Variants in CRYL1 observed in about 807,000 individuals in gnomAD.
The protein encoded by CRYL1 is crystallin lambda 1.
Under a neutral mutation model 36.6 loss-of-function variants are expected in CRYL1, and 29 were observed. The ratio of observed to expected loss-of-function variants is 0.79; its 90% CI spans 0.59 to 1.08. The LOEUF (loss-of-function observed/expected upper bound fraction) is 1.08. CRYL1 is among the 50% of genes least tolerant of loss of function. The probability of loss-of-function intolerance (pLI) is 0.00; values close to 1 mark genes in which losing one functional copy is unlikely to be tolerated. For missense variants in CRYL1, 411 were observed against 407.9 expected (o/e 1.01, Z -0.06); for synonymous variants, 152 against 151.5 (o/e 1.00, Z -0.02).
chr13:20,412,286 C>T (rs756096007), intron 6 of CRYL1, among the ~76,000 whole-genome samples: 7 of 152,206 alleles, frequency 4.6e-5, no homozygotes, highest in South Asian at 2.1e-4. Flanking sequence ...GAGAGACATA[C>T]GAGAGACTCT....
chr13:20,406,113 C>A (rs2031367832), intron 6 of CRYL1: 1 of 152,198 alleles, frequency 6.6e-6, no homozygotes, highest in African/African-American at 2.4e-5. Flanking sequence ...AAAGGCTCAG[C>A]AGCTGGTCAG....
chr13:20,447,936 C>T (rs982777933), intron 3 of CRYL1, among the ~76,000 whole-genome samples: 1 of 152,174 alleles, frequency 6.6e-6, no homozygotes, highest in African/African-American at 2.4e-5. Flanking sequence ...CAAAAAATCA[C>T]GAGGTATACA....
At chr13:20,499,174 T>C (rs1565984564) in intron 2 of CRYL1, among the ~76,000 whole-genome samples, 1 of 151,894 alleles carries the variant, frequency 6.6e-6, no homozygotes, top group Non-Finnish European at 1.5e-5. Flanking sequence ...CAAAACCCCA[T>C]CTCTACCCAA....
intron 3 of CRYL1, among the ~76,000 whole-genome samples, chr13:20,468,705 G>A (rs1046947052): frequency 2.6e-5 from 4 of 151,906 alleles, no homozygotes; most frequent in African/African-American, 9.7e-5. Context: ...TCCCGGGTTC[G>A]AGTGATTCTC....
intron 1 of CRYL1, among the ~76,000 whole-genome samples, chr13:20,518,799 G>A (rs2137519826): frequency 6.6e-6 from 1 of 152,260 alleles, no homozygotes; most frequent in South Asian, 2.1e-4. Context: ...AGAAATGAAT[G>A]TGCAGTATTT....
chr13:20,499,982 G>A (rs183560418), intron 2 of CRYL1, among the ~76,000 whole-genome samples: 13 of 152,284 alleles, frequency 8.5e-5, no homozygotes, highest in Non-Finnish European at 1.9e-4. Flanking sequence ...TTTGGGGGGA[G>A]TTCATGAAAA....
At chr13:20,430,138 G>C in intron 5 of CRYL1, 1 of 957,894 alleles carries the variant, frequency 1.0e-6, no homozygotes, top group Non-Finnish European at 1.2e-6. Context: ...GAGAGGACCT[G>C]AAGTTTCTAG....
chr13:20,498,075 A>T (rs1210303931), intron 2 of CRYL1, among the ~76,000 whole-genome samples: 1 of 151,654 alleles, frequency 6.6e-6, no homozygotes, highest in Non-Finnish European at 1.5e-5. Context: ...CACACTACAC[A>T]CACACCACAC....
At chr13:20,508,865 AAAAAAAAAAAC>A (rs869172488) in intron 2 of CRYL1, among the ~76,000 whole-genome samples, 9,098 of 47,164 alleles carry the variant, frequency 0.19, 1,954 homozygotes, top group South Asian at 0.37. Flanking sequence ...AAAAAAAAAA[AAAAAAAAAAAC>A]AAAAAAAAAA....
At chr13:20,524,630 G>A (rs540479488) in intron 1 of CRYL1, among the ~76,000 whole-genome samples, 63 of 152,206 alleles carry the variant, frequency 4.1e-4, no homozygotes, top group African/African-American at 1.4e-3. Flanking sequence ...GCCTGCCTCG[G>A]CCTCCCAACG....
chr13:20,478,805 T>C (rs2033215734), intron 3 of CRYL1, among the ~76,000 whole-genome samples: 1 of 152,098 alleles, frequency 6.6e-6, no homozygotes, highest in Non-Finnish European at 1.5e-5. Context: ...CAGGCTGGAG[T>C]GCAGTGGCGC....
intron 3 of CRYL1, among the ~76,000 whole-genome samples, chr13:20,484,131 A>AT (rs201543442): frequency 9.2e-5 from 14 of 152,230 alleles, no homozygotes; most frequent in African/African-American, 2.6e-4. Flanking sequence ...ACAGCAATTA[A>AT]TTTTTTTTAA....
chr13:20,414,874 G>A (rs1004550869), intron 5 of CRYL1, among the ~76,000 whole-genome samples: 5 of 152,204 alleles, frequency 3.3e-5, no homozygotes, highest in African/African-American at 9.6e-5. Flanking sequence ...GAGGGCGGAC[G>A]GAGGGAAGCC....
chr13:20,422,086 C>T (rs9506485), intron 5 of CRYL1, among the ~76,000 whole-genome samples: 110,105 of 151,970 alleles, frequency 0.72, 41,167 homozygotes, highest in Admixed American at 0.83. Context: ...AGGCCAGGCG[C>T]GGTGGCTCAC....
At position 20,519,856 on chromosome 13, in the gene CRYL1, TG is replaced by T. The variant is rs560424890; in HGVS notation, c.41+5897del. Reference sequence around the variant, plus strand: ...AAATTAATCAGGGAACTCTTGAATATGGAAGAGATATTTAAAGATATTACAT... The same window carrying T: ...AAATTAATCAGGGAACTCTTGAATATGAAGAGATATTTAAAGATATTACAT... On this transcript the variant is annotated intron_variant, in intron 1 of 7. Coordinates refer to ENST00000298248, the MANE Select transcript of CRYL1 (RefSeq NM_015974.3). Among the ~76,000 whole-genome samples, 334 of 152,288 alleles carry T rather than the reference TG, an allele frequency of 2.2e-3. 1 individual carries two copies. Among genetic ancestry groups the T allele is most frequent in the Admixed American group, 2.4e-3 (37 of 15,294 alleles).
chr13:20,499,419 C>T lies in CRYL1; in HGVS notation c.150-9923G>A, dbSNP rs113367577. Among the ~76,000 whole-genome samples, 83 of 149,416 alleles carry T rather than the reference C, an allele frequency of 5.6e-4. 2 individuals are homozygous for T. Among genetic ancestry groups the T allele is most frequent in the Admixed American group, 1.3e-4 (2 of 14,890 alleles). ...ATCCCAGCACTTTGGGAGGTCGAGG[C>T]GGGTGGATCGTGAGGTCAGGAGATC... On this transcript the variant is annotated intron_variant, in intron 2 of 7. Transcript: ENST00000298248.
At chr13:20,430,684 C>G in intron 5 of CRYL1, 1 of 985,386 alleles carries the variant, frequency 1.0e-6, no homozygotes, top group South Asian at 4.7e-5. Context: ...TGAGTGGGCT[C>G]ACACCTTTCA....
At position 20,456,929 on chromosome 13, in the gene CRYL1, C is replaced by T. The variant is rs3764093; in HGVS notation, c.277-17175G>A. Among the ~76,000 whole-genome samples the T allele has an allele frequency of 4.5e-4, 69 of 152,284 alleles. No individual in the cohort carries two copies. The East Asian group carries it at 4.6e-3, about 10-fold the overall frequency. On this transcript the variant is annotated intron_variant, in intron 3 of 7. Coordinates refer to ENST00000298248, the MANE Select transcript of CRYL1 (RefSeq NM_015974.3). ...CAGCTGCACACCCACGCTTCTTTGC[C>T]CTGCTTTGTGACAGTAGGAGTCTGG...
In CRYL1 at chr13:20,512,374, T is replaced by C. The variant is rs989156869; in HGVS notation, c.149+69A>G. 3.6e-6 allele frequency: 4 copies of C among 1,108,086 alleles called. No individual in the cohort carries two copies. In the African/African-American group the frequency reaches 4.6e-5, roughly 13 times the overall value. The allele number at this position is 1,108,086 out of a possible 1,614,324, so 68.6% of individuals were successfully genotyped here. A position where few individuals can be genotyped will look rare whatever the true frequency, so the allele number is the denominator to read the frequency against. ...ACAGATCCTCATAGCCTTGAGGATA[T>C]GACAAACAAGACCAACTGAGAGAAA... On this transcript the variant is annotated intron_variant, in intron 2 of 7. Coordinates refer to ENST00000298248, the MANE Select transcript of CRYL1 (RefSeq NM_015974.3).
Sources: gnomAD v4.1 joint callset for allele counts (sites outside exome capture counted in the v4.1 genomes callset) on GRCh38, gnomAD v4.1.1 for gene constraint, MANE v1.5 for transcripts, NCBI Gene and HGNC (gene_info 2026-07-23, HGNC 2026-07-21) for gene names.